ETFA: variants seen among roughly 807,000 people sequenced by gnomAD.
ETFA encodes electron transfer flavoprotein subunit alpha, also known as electron transfer flavoprotein subunit alpha, mitochondrial.
In ETFA, 22 loss-of-function variants were observed where a neutral mutation model predicts 46.2. That is an observed-to-expected ratio of 0.48 (90% CI 0.34 to 0.68). The LOEUF (loss-of-function observed/expected upper bound fraction) is 0.68, where lower values mean the gene tolerates loss of function less well. Among genes scored for constraint, ETFA ranks in the 30% least tolerant of loss-of-function variants. The pLI, the probability that ETFA is intolerant of heterozygous loss-of-function variation, is 0.01. For synonymous variants in ETFA, 131 were observed against 139.9 expected (o/e 0.94, Z 0.45); for missense variants, 345 against 401.1 (o/e 0.86, Z 1.19).
intron 10 of ETFA, among the ~76,000 whole-genome samples, chr15:76,226,862 G>A (rs1354535932): frequency 6.6e-6 from 1 of 152,150 alleles, no homozygotes; most frequent in Non-Finnish European, 1.5e-5. Context: ...CTGGGCGACA[G>A]AGTGAGACTC....
chr15:76,306,265 TTC>T (rs1327863106), intron 1 of ETFA, among the ~76,000 whole-genome samples: 1 of 63,696 alleles, frequency 1.6e-5, no homozygotes. Context: ...GTTTTTTTGC[TTC>T]TTTTTTTTTT....
chr15:76,228,078 G>C (rs1019312412), intron 10 of ETFA: 1 of 419,306 alleles, frequency 2.4e-6, no homozygotes, highest in Non-Finnish European at 4.8e-6. Context: ...GCGATAAGCA[G>C]AGATTTGTTT....
In ETFA at chr15:76,256,724, A is replaced by G. The variant is rs111909136; in HGVS notation, c.816+17688T>C. Among the ~76,000 whole-genome samples, 307 of 152,382 alleles carry G rather than the reference A, an allele frequency of 2.0e-3. 3 individuals are homozygous for G. The highest frequency in any genetic ancestry group is 6.8e-3 in the African/African-American group (282 of 41,600). On this transcript the variant is annotated intron_variant, in intron 9 of 11. Coordinates refer to ENST00000557943, the MANE Select transcript of ETFA (RefSeq NM_000126.4). ...GTTTTTGGTCAACATTACACTGCATATATAAGGGTGGTCCCATAAAATTAT... is the reference window on the plus strand; with the variant it reads ...GTTTTTGGTCAACATTACACTGCATGTATAAGGGTGGTCCCATAAAATTAT...
chr15:76,237,855 C>T (rs1311929232), intron 9 of ETFA, among the ~76,000 whole-genome samples: 1 of 152,030 alleles, frequency 6.6e-6, no homozygotes, highest in Non-Finnish European at 1.5e-5. Context: ...ACAATTCTTC[C>T]AGGGGAGTGT....
chr15:76,286,366 C>T lies in ETFA; in HGVS notation c.562+5G>A. ...AAAACAAAAAAACTCCAAATGAACA[C>T]TCACCCTTTTCTGAACTGGCACTAC... On this transcript the variant is annotated splice_donor_5th_base_variant and intron_variant, in intron 6 of 11. Coordinates refer to ENST00000557943, the MANE Select transcript of ETFA (RefSeq NM_000126.4). 1 of 1,577,166 alleles carries T rather than the reference C, an allele frequency of 6.3e-7. No individual in the cohort carries two copies. The highest frequency in any genetic ancestry group is 8.7e-7 in the Non-Finnish European group (1 of 1,146,822).
chr15:76,273,283 G>A (rs1237954412), intron 9 of ETFA, among the ~76,000 whole-genome samples: 3 of 152,178 alleles, frequency 2.0e-5, no homozygotes, highest in African/African-American at 4.8e-5. Context: ...CAGGCCGGGT[G>A]CGGTGGCTCA....
At chr15:76,251,184 G>T (rs1242943415) in intron 9 of ETFA, among the ~76,000 whole-genome samples, 2 of 152,224 alleles carry the variant, frequency 1.3e-5, no homozygotes, top group Admixed American at 6.5e-5. Flanking sequence ...GGCCAATAGA[G>T]GAGAGACTCT....
At chr15:76,303,591 A>G (rs1224971704) in intron 1 of ETFA, among the ~76,000 whole-genome samples, 3 of 152,230 alleles carry the variant, frequency 2.0e-5, no homozygotes, top group Admixed American at 2.0e-4. Flanking sequence ...TAATAACCAG[A>G]ATCTATAAGG....
chr15:76,290,464 C>T (rs762324916), intron 4 of ETFA, among the ~76,000 whole-genome samples: 1 of 151,480 alleles, frequency 6.6e-6, no homozygotes, highest in Non-Finnish European at 1.5e-5. Flanking sequence ...CCCACTTCAG[C>T]CTCCCAAGTA....
intron 9 of ETFA, among the ~76,000 whole-genome samples, chr15:76,236,671 G>C (rs12442811): frequency 6.6e-6 from 1 of 152,186 alleles, no homozygotes; most frequent in Non-Finnish European, 1.5e-5. Context: ...ATTAGCATTA[G>C]AGGCAGCAAC....
chr15:76,254,544 G>A (rs1318781681), intron 9 of ETFA, among the ~76,000 whole-genome samples: 1 of 152,060 alleles, frequency 6.6e-6, no homozygotes, highest in Non-Finnish European at 1.5e-5. Flanking sequence ...TCAAAATATG[G>A]TCAGGATAAC....
intron 1 of ETFA, 47 bp downstream of exon 1, chr15:76,311,303 G>A (rs1262592509): frequency 1.3e-6 from 2 of 1,546,842 alleles, no homozygotes; most frequent in African/African-American, 1.4e-5. Context: ...GGGACGGCGG[G>A]TTGACGGGGG....
At chr15:76,298,393 C>G (rs2039847778) in intron 1 of ETFA, among the ~76,000 whole-genome samples, 1 of 152,154 alleles carries the variant, frequency 6.6e-6, no homozygotes, top group Admixed American at 6.6e-5. Flanking sequence ...AGGAAGCTAT[C>G]TCAGGAGCCA....
In ETFA at chr15:76,222,644, G is replaced by A. The variant is rs113405796; in HGVS notation, c.963+3205C>T. On this transcript the variant is annotated intron_variant, in intron 11 of 11. Transcript: ENST00000557943. ...TGCTGAGCCAGAGAGGCAGAGAAAT[G>A]AGAGAGAAGGGGAACAGAAGCAGGA... is the stretch of plus-strand genomic sequence containing the variant. 4.6e-3 allele frequency among the ~76,000 whole-genome samples: 695 copies of A among 152,248 alleles called. 6 individuals carry two copies. The highest frequency in any genetic ancestry group is 0.016 in the African/African-American group (659 of 41,534).
intron 1 of ETFA, among the ~76,000 whole-genome samples, chr15:76,307,988 T>C (rs150183861): frequency 6.6e-6 from 1 of 152,308 alleles, no homozygotes; most frequent in Admixed American, 6.5e-5. Context: ...CTATTTTGAC[T>C]TTGTGATATC....
intron 9 of ETFA, among the ~76,000 whole-genome samples, chr15:76,264,322 A>C (rs933438161): frequency 1.3e-5 from 2 of 152,234 alleles, no homozygotes; most frequent in Admixed American, 6.5e-5. Flanking sequence ...GGCAAGGGAA[A>C]ACACACAAGT....
intron 8 of ETFA, among the ~76,000 whole-genome samples, chr15:76,278,279 T>C (rs187549786): frequency 3.0e-4 from 46 of 152,320 alleles, no homozygotes; most frequent in Non-Finnish European, 5.9e-4. Flanking sequence ...TGACCTCCTC[T>C]TTCCAGCAGA....
intron 8 of ETFA, among the ~76,000 whole-genome samples, chr15:76,281,267 A>G (rs1238787180): frequency 6.6e-6 from 1 of 151,904 alleles, no homozygotes; most frequent in African/African-American, 2.4e-5. Context: ...GGCCTCCCAA[A>G]GTGCTGGGAT....
chr15:76,269,754 G>A (rs1156822045), intron 9 of ETFA, among the ~76,000 whole-genome samples: 1 of 152,052 alleles, frequency 6.6e-6, no homozygotes, highest in African/African-American at 2.4e-5. Flanking sequence ...AAAACTCTCA[G>A]CAAATCAGAA....
Sources: gnomAD v4.1 joint callset for allele counts (sites outside exome capture counted in the v4.1 genomes callset) on GRCh38, gnomAD v4.1.1 for gene constraint, MANE v1.5 for transcripts, NCBI Gene and HGNC (gene_info 2026-07-23, HGNC 2026-07-21) for gene names.